The following KCNQ5 variants were observed in gnomAD, a reference collection of about 807,000 sequenced individuals.
The protein encoded by KCNQ5 is potassium voltage-gated channel subfamily Q member 5.
KCNQ5 carries 30 observed loss-of-function variants against 98.2 expected under a neutral mutation model. The observed-to-expected ratio is 0.31, with a 90% CI of 0.23 to 0.41. KCNQ5 has a LOEUF of 0.41. Among genes scored for constraint, KCNQ5 ranks in the 10% least tolerant of loss-of-function variants. The probability of loss-of-function intolerance (pLI) is 1.00; values close to 1 mark genes in which losing one functional copy is unlikely to be tolerated. For missense variants in KCNQ5, 835 were observed against 1,182.5 expected (o/e 0.71, Z 4.31); for synonymous variants, 458 against 449.4 (o/e 1.02, Z -0.24).
intron 1 of KCNQ5, among the ~76,000 whole-genome samples, chr6:72,954,059 T>C (rs1326391922): frequency 2.0e-5 from 3 of 152,212 alleles, no homozygotes; most frequent in East Asian, 3.8e-4. Context: ...TGGCAATCTT[T>C]CAAAGTTTTT....
intron 10 of KCNQ5, among the ~76,000 whole-genome samples, chr6:73,156,721 C>T (rs996370143): frequency 1.3e-5 from 2 of 152,124 alleles, no homozygotes; most frequent in Non-Finnish European, 2.9e-5. Context: ...CTTTTTTATG[C>T]GATGCATAAA....
chr6:73,009,180 C>T (rs548503350), intron 2 of KCNQ5, among the ~76,000 whole-genome samples: 2 of 152,016 alleles, frequency 1.3e-5, no homozygotes, highest in East Asian at 3.9e-4. Flanking sequence ...TTAGTAGAGG[C>T]AGGGTTTCAC....
At chr6:73,080,597 G>A (rs1413003080) in intron 5 of KCNQ5, among the ~76,000 whole-genome samples, 1 of 152,050 alleles carries the variant, frequency 6.6e-6, no homozygotes, top group African/African-American at 2.4e-5. Flanking sequence ...TGAAAATTAT[G>A]GTTGGGTATT....
chr6:72,971,099 A>G (rs1767872549), intron 1 of KCNQ5, among the ~76,000 whole-genome samples: 1 of 152,234 alleles, frequency 6.6e-6, no homozygotes, highest in African/African-American at 2.4e-5. Context: ...CAATCTACTC[A>G]TCTGACAAAG....
At chr6:73,067,691 A>T (rs1461691912) in intron 3 of KCNQ5, among the ~76,000 whole-genome samples, 1 of 152,148 alleles carries the variant, frequency 6.6e-6, no homozygotes, top group African/African-American at 2.4e-5. Flanking sequence ...CATCAGAGGT[A>T]CTCAATAAAT....
chr6:72,897,475 G>T (rs1198601780), intron 1 of KCNQ5, among the ~76,000 whole-genome samples: 1 of 152,170 alleles, frequency 6.6e-6, no homozygotes, highest in East Asian at 1.9e-4. Flanking sequence ...CTGGGAGACA[G>T]CTGTTGCGGG....
chr6:73,017,239 G>C (rs1770386232), intron 2 of KCNQ5, among the ~76,000 whole-genome samples: 1 of 152,110 alleles, frequency 6.6e-6, no homozygotes, highest in Non-Finnish European at 1.5e-5. Context: ...AAATAACCTT[G>C]AAATCATGGT....
At chr6:72,944,351 G>A (rs1766442181) in intron 1 of KCNQ5, among the ~76,000 whole-genome samples, 1 of 152,080 alleles carries the variant, frequency 6.6e-6, no homozygotes, top group African/African-American at 2.4e-5. Flanking sequence ...ATAATTTCAT[G>A]CACCAGAGTG....
chr6:72,884,279 A>T (rs1444264835), intron 1 of KCNQ5, among the ~76,000 whole-genome samples: 3 of 152,218 alleles, frequency 2.0e-5, no homozygotes, highest in Non-Finnish European at 4.4e-5. Context: ...CTATATTAAA[A>T]ATCCCTGAAG....
At chr6:73,176,754 C>T (rs1778228180) in intron 11 of KCNQ5, among the ~76,000 whole-genome samples, 1 of 152,090 alleles carries the variant, frequency 6.6e-6, no homozygotes, top group Non-Finnish European at 1.5e-5. Context: ...GATGGTGAGA[C>T]AGGCTGGCTT....
At chr6:73,158,329 G>A (rs1777466054) in intron 10 of KCNQ5, among the ~76,000 whole-genome samples, 2 of 150,246 alleles carry the variant, frequency 1.3e-5, no homozygotes, top group East Asian at 2.0e-4. Context: ...GTGCAATGGC[G>A]CGATCTCGGC....
At chr6:73,031,948 C>T (rs1015443250) in intron 2 of KCNQ5, among the ~76,000 whole-genome samples, 4 of 152,138 alleles carry the variant, frequency 2.6e-5, no homozygotes, top group Admixed American at 2.0e-4. Context: ...ATAACTCCTC[C>T]GTAAGAAAAG....
At chr6:73,048,194 C>T (rs1340273604) in intron 3 of KCNQ5, among the ~76,000 whole-genome samples, 1 of 152,150 alleles carries the variant, frequency 6.6e-6, no homozygotes, top group Non-Finnish European at 1.5e-5. Flanking sequence ...GTAGAGGCTA[C>T]CTTAGCTTGG....
chr6:72,659,482 T>C (rs1766396405), intron 1 of KCNQ5, among the ~76,000 whole-genome samples: 1 of 152,230 alleles, frequency 6.6e-6, no homozygotes, highest in Non-Finnish European at 1.5e-5. Context: ...TACAAATTTA[T>C]TTCTCAGATT....
At chr6:72,987,609 GCAGCAGAA>G in intron 1 of KCNQ5, 1 of 585,478 alleles carries the variant, frequency 1.7e-6, no homozygotes, top group Non-Finnish European at 3.2e-6. Context: ...AGCAGAACCT[GCAGCAGAA>G]CCTGCAGCAG....
intron 1 of KCNQ5, among the ~76,000 whole-genome samples, chr6:72,845,858 A>G (rs768001717): frequency 1.3e-5 from 2 of 152,192 alleles, no homozygotes; most frequent in South Asian, 4.1e-4. Context: ...GGCTGTCAGT[A>G]AAACTTTTTT....
At chr6:73,152,608 T>C (rs1777195659) in intron 10 of KCNQ5, among the ~76,000 whole-genome samples, 1 of 152,224 alleles carries the variant, frequency 6.6e-6, no homozygotes, top group Non-Finnish European at 1.5e-5. Flanking sequence ...GCTTTTGAGC[T>C]CCATTTTTGT....
chr6:73,005,288 G>T (rs1011347520), intron 2 of KCNQ5, among the ~76,000 whole-genome samples: 2 of 152,172 alleles, frequency 1.3e-5, no homozygotes, highest in African/African-American at 4.8e-5. Flanking sequence ...CTGCCCTTTT[G>T]ATAACACAAA....
chr6:72,644,160 T>G (rs1468469862), intron 1 of KCNQ5, among the ~76,000 whole-genome samples: 2 of 152,214 alleles, frequency 1.3e-5, no homozygotes, highest in African/African-American at 4.8e-5. Context: ...AAATACCGAC[T>G]CATTGCTCCT....
Sources: gnomAD v4.1 joint callset for allele counts (sites outside exome capture counted in the v4.1 genomes callset) on GRCh38, gnomAD v4.1.1 for gene constraint, MANE v1.5 for transcripts, NCBI Gene and HGNC (gene_info 2026-07-23, HGNC 2026-07-21) for gene names.